The following CSMD1 variants were observed in gnomAD, a reference collection of about 807,000 sequenced individuals.
CSMD1 encodes CUB and sushi domain-containing protein 1.
In CSMD1, 213 loss-of-function variants were observed where a neutral mutation model predicts 417.5. The ratio of observed to expected loss-of-function variants is 0.51; its 90% CI spans 0.46 to 0.57. CSMD1 has a LOEUF of 0.57. CSMD1 is among the 20% of genes least tolerant of loss of function. The pLI is 0.00. For synonymous variants in CSMD1, 2,862 were observed against 1,736.8 expected, an observed-to-expected ratio of 1.65 and a Z score of -16.11; for missense variants, 6,923 against 4,529.7, an observed-to-expected ratio of 1.53 and a Z score of -15.17.
At chr8:3,077,553 C>A (rs1218803366) in intron 49 of CSMD1, among the ~76,000 whole-genome samples, 2 of 152,220 alleles carry the variant, frequency 1.3e-5, no homozygotes, top group Non-Finnish European at 2.9e-5. Flanking sequence ...ACCTCCAGAA[C>A]GTAGTAGTCA....
chr8:4,508,158 A>AT (rs202007270), intron 2 of CSMD1, among the ~76,000 whole-genome samples: 19 of 8,482 alleles, frequency 2.2e-3, no homozygotes, highest in African/African-American at 0.014. Flanking sequence ...GGAAGAGGTA[A>AT]TATTTTTTTT....
At chr8:3,546,470 A>C (rs751547923) in intron 10 of CSMD1, among the ~76,000 whole-genome samples, 4 of 151,838 alleles carry the variant, frequency 2.6e-5, no homozygotes, top group Non-Finnish European at 5.9e-5. Flanking sequence ...AGGGAGTCGG[A>C]GCTTGTGGTG....
chr8:4,553,174 C>T (rs939512082), intron 2 of CSMD1, among the ~76,000 whole-genome samples: 6 of 152,206 alleles, frequency 3.9e-5, no homozygotes, highest in African/African-American at 1.2e-4. Context: ...TTTCAGTTGT[C>T]GCCTCCCTTT....
intron 1 of CSMD1, among the ~76,000 whole-genome samples, chr8:4,709,517 G>A (rs531441236): frequency 2.6e-5 from 4 of 152,326 alleles, no homozygotes; most frequent in East Asian, 1.9e-4. Context: ...CAGGCTGAGG[G>A]TACAAAGAGG....
chr8:3,945,497 A>C (rs904289785), intron 5 of CSMD1, among the ~76,000 whole-genome samples: 1 of 152,058 alleles, frequency 6.6e-6, no homozygotes, highest in Non-Finnish European at 1.5e-5. Context: ...TGAACTTCCC[A>C]TATTTCCAAA....
chr8:4,810,207 C>G (rs754938927), intron 1 of CSMD1, among the ~76,000 whole-genome samples: 1 of 152,118 alleles, frequency 6.6e-6, no homozygotes, highest in Admixed American at 6.5e-5. Flanking sequence ...CACATCCATT[C>G]CCTGTCATGT....
intron 3 of CSMD1, among the ~76,000 whole-genome samples, chr8:4,143,745 G>A (rs944341059): frequency 3.3e-5 from 5 of 151,130 alleles, no homozygotes; most frequent in African/African-American, 4.9e-5. Context: ...TGTGAAAGGG[G>A]GGATTTATTA....
intron 1 of CSMD1, chr8:4,788,659 T>C: frequency 1.6e-6 from 1 of 632,168 alleles, no homozygotes; most frequent in South Asian, 2.6e-5. Flanking sequence ...AATCAAGCAA[T>C]ATGAAAAGGT....
chr8:3,844,425 C>G (rs754935649), intron 5 of CSMD1, among the ~76,000 whole-genome samples: 4 of 152,164 alleles, frequency 2.6e-5, no homozygotes, highest in Non-Finnish European at 4.4e-5. Flanking sequence ...ATTCTAGAAC[C>G]TTTACACTAT....
chr8:4,476,781 G>A (rs1328312297), intron 2 of CSMD1, among the ~76,000 whole-genome samples: 2 of 152,140 alleles, frequency 1.3e-5, no homozygotes, highest in Non-Finnish European at 2.9e-5. Flanking sequence ...ATGGCACAGA[G>A]AGCACCTGAC....
intron 37 of CSMD1, among the ~76,000 whole-genome samples, chr8:3,170,177 C>G (rs74304339): frequency 0.032 from 4,938 of 152,316 alleles, 291 homozygotes; most frequent in East Asian, 0.19. Context: ...GCTCATTTTT[C>G]TTTACAACTC....
At chr8:4,198,818 A>G (rs950113991) in intron 3 of CSMD1, among the ~76,000 whole-genome samples, 1 of 152,178 alleles carries the variant, frequency 6.6e-6, no homozygotes, top group Non-Finnish European at 1.5e-5. Context: ...TCATGGCACA[A>G]AAAGTTAAAG....
chr8:4,576,365 G>T (rs1303995303), intron 2 of CSMD1, among the ~76,000 whole-genome samples: 1 of 152,200 alleles, frequency 6.6e-6, no homozygotes, highest in African/African-American at 2.4e-5. Flanking sequence ...GAGAGTCAGA[G>T]GCATTTGGCC....
At chr8:3,382,637 C>T (rs1810710792) in intron 18 of CSMD1, among the ~76,000 whole-genome samples, 1 of 144,082 alleles carries the variant, frequency 6.9e-6, no homozygotes, top group Non-Finnish European at 1.5e-5. Flanking sequence ...AAATATCTCT[C>T]TCTATATAGA....
chr8:4,445,037 G>A (rs541898628), intron 2 of CSMD1, among the ~76,000 whole-genome samples: 6 of 152,264 alleles, frequency 3.9e-5, no homozygotes, highest in African/African-American at 1.4e-4. Flanking sequence ...TACCCATATT[G>A]AAATCACTGC....
chr8:3,435,496 T>G (rs1814498400), intron 12 of CSMD1, among the ~76,000 whole-genome samples: 1 of 152,062 alleles, frequency 6.6e-6, no homozygotes, highest in South Asian at 2.1e-4. Context: ...CTTTTGGGCA[T>G]TCCTGAAGCC....
chr8:4,536,915 CTG>C (rs969558149), intron 2 of CSMD1, among the ~76,000 whole-genome samples: 8 of 152,146 alleles, frequency 5.3e-5, no homozygotes, highest in South Asian at 2.1e-4. Flanking sequence ...AATTGTAAAA[CTG>C]TGTAAAAATG....
At chr8:4,481,144 C>T (rs769211098) in intron 2 of CSMD1, among the ~76,000 whole-genome samples, 3 of 152,174 alleles carry the variant, frequency 2.0e-5, no homozygotes, top group Non-Finnish European at 4.4e-5. Flanking sequence ...TTGAGAGCCA[C>T]ACATGTAAGA....
At chr8:4,727,379 T>G (rs1443114075) in intron 1 of CSMD1, among the ~76,000 whole-genome samples, 1 of 152,150 alleles carries the variant, frequency 6.6e-6, no homozygotes, top group Admixed American at 6.5e-5. Context: ...ATGCTCTCCA[T>G]TGAAAGCTTT....
Sources: allele counts gnomAD v4.1 joint callset (sites outside exome capture counted in the v4.1 genomes callset), GRCh38; gene constraint gnomAD v4.1.1; transcripts MANE v1.5; gene names NCBI Gene and HGNC (gene_info 2026-07-23, HGNC 2026-07-21).